The following XKR4 variants were observed in gnomAD, a reference collection of about 807,000 sequenced individuals.
The protein encoded by XKR4 is XK-related protein 4.
A neutral mutation model predicts 53.9 loss-of-function variants in XKR4; 12 were observed. The observed-to-expected ratio is 0.22, with a 90% CI of 0.14 to 0.36. The LOEUF (loss-of-function observed/expected upper bound fraction) is 0.36, where lower values mean the gene tolerates loss of function less well. XKR4 is among the 10% of genes least tolerant of loss of function. XKR4 has a pLI of 1.00. For synonymous variants in XKR4, 354 were observed against 362.4 expected (o/e 0.98, Z 0.26); for missense variants, 799 against 859.5 (o/e 0.93, Z 0.88).
intron 1 of XKR4, among the ~76,000 whole-genome samples, chr8:55,303,584 C>A (rs1198179625): frequency 6.6e-6 from 1 of 152,178 alleles, no homozygotes; most frequent in African/African-American, 2.4e-5. Flanking sequence ...ACCAGCTCCT[C>A]GTTGTACCTC....
At chr8:55,193,914 G>A (rs1055882292) in intron 1 of XKR4, among the ~76,000 whole-genome samples, 2 of 152,192 alleles carry the variant, frequency 1.3e-5, no homozygotes, top group Non-Finnish European at 2.9e-5. Context: ...CCTCATAGCC[G>A]ACCTTGCAGA....
intron 1 of XKR4, among the ~76,000 whole-genome samples, chr8:55,148,264 G>A (rs968812409): frequency 3.4e-4 from 51 of 152,078 alleles, no homozygotes; most frequent in African/African-American, 1.1e-3. Flanking sequence ...AATTAGCTGA[G>A]CGTGGTGGTG....
chr8:55,367,756 G>A (rs551089313), intron 2 of XKR4, among the ~76,000 whole-genome samples: 5 of 151,950 alleles, frequency 3.3e-5, no homozygotes, highest in Non-Finnish European at 4.4e-5. Context: ...CCTCACCCCC[G>A]ATCCAGTCCA....
At chr8:55,289,540 A>AGAAGGAAG (rs142907908) in intron 1 of XKR4, among the ~76,000 whole-genome samples, 1,033 of 102,574 alleles carry the variant, frequency 0.01, 44 homozygotes, top group African/African-American at 0.04. Context: ...AAAGAAAGAA[A>AGAAGGAAG]GAAGGAAGGA....
chr8:55,214,967 A>G (rs1817780812), intron 1 of XKR4, among the ~76,000 whole-genome samples: 1 of 152,182 alleles, frequency 6.6e-6, no homozygotes, highest in Non-Finnish European at 1.5e-5. Flanking sequence ...CTTTAGCAAC[A>G]TAGAATAGTA....
intron 1 of XKR4, among the ~76,000 whole-genome samples, chr8:55,182,858 A>G (rs1023028535): frequency 4.6e-5 from 7 of 152,014 alleles, no homozygotes; most frequent in African/African-American, 4.8e-5. Context: ...AATTGTGTAG[A>G]TCTGTAGATG....
chr8:55,531,410 A>C lies in XKR4; in HGVS notation c.*7183A>C. ...GGGATCGCTGTCATATGTGCAGTCT[A>C]TTATTGACCAAAATGCCATTGTGTG... On this transcript the variant is annotated 3_prime_UTR_variant, in exon 3 of 3. Coordinates refer to ENST00000327381, the MANE Select transcript of XKR4 (RefSeq NM_052898.2). The C allele has an allele frequency of 6.6e-6, 1 of 152,204 alleles. No homozygotes were observed. The highest frequency in any genetic ancestry group is 1.9e-4 in the East Asian group (1 of 5,206). 9.4% of individuals were successfully genotyped at this position (152,204 alleles called of 1,614,324 possible). A position where few individuals can be genotyped will look rare whatever the true frequency, so the allele number is the denominator to read the frequency against.
intron 1 of XKR4, among the ~76,000 whole-genome samples, chr8:55,258,284 G>T (rs1818469358): frequency 6.6e-6 from 1 of 152,230 alleles, no homozygotes; most frequent in Non-Finnish European, 1.5e-5. Context: ...ATCCTCACGT[G>T]TAGAGGAGGA....
intron 2 of XKR4, among the ~76,000 whole-genome samples, chr8:55,473,710 G>A (rs888109181): frequency 6.6e-6 from 1 of 152,126 alleles, no homozygotes; most frequent in Non-Finnish European, 1.5e-5. Flanking sequence ...ATAAACAAGT[G>A]TAGTGAAACA....
intron 1 of XKR4, chr8:55,135,529 AG>A: frequency 2.2e-6 from 1 of 446,296 alleles, no homozygotes; most frequent in Non-Finnish European, 4.6e-6. Flanking sequence ...CTTTTCCCTC[AG>A]TTGATGACAA....
At chr8:55,300,273 G>C (rs1819169863) in intron 1 of XKR4, among the ~76,000 whole-genome samples, 1 of 152,162 alleles carries the variant, frequency 6.6e-6, no homozygotes, top group Admixed American at 6.6e-5. Context: ...AAAGATGAGT[G>C]TTGGGACCTG....
Position 55,530,423 on chromosome 8 carries a change from T to C in XKR4, c.*6196T>C, listed in dbSNP as rs1350448480. 1 of 152,196 alleles carries C rather than the reference T, an allele frequency of 6.6e-6. No individual in the cohort carries two copies. The highest frequency in any genetic ancestry group is 2.4e-5 in the African/African-American group (1 of 41,464). The allele number at this position is 152,196 out of a possible 1,614,324, so 9.4% of individuals were successfully genotyped here. On this transcript the variant is annotated 3_prime_UTR_variant, in exon 3 of 3. Transcript: ENST00000327381. Reference sequence around the variant, plus strand: ...ATACTGCAAGTGTCAACCAAATATTTGTTGAATTGAATTATAAAATAATTG... The same window carrying C: ...ATACTGCAAGTGTCAACCAAATATTCGTTGAATTGAATTATAAAATAATTG...
At chr8:55,449,426 T>C in intron 2 of XKR4, 1 of 694,440 alleles carries the variant, frequency 1.4e-6, no homozygotes, top group Non-Finnish European at 2.6e-6. Flanking sequence ...GGGCCGGGGC[T>C]GTAAACATGG....
In XKR4 at chr8:55,103,229, C is replaced by T. The variant is rs747388980; in HGVS notation, c.741C>T (p.Ser247=). The change falls in exon 1 of 3, where the codon TCC becomes TCT. Residue 247 remains serine (S), a synonymous_variant. Transcript: ENST00000327381. Reference sequence around the variant, plus strand: ...CCAGTGGCAAGCACAGGTCTGCGTCCTGCTCCTTCTGCATCTGGCTCCTGC... The same window carrying T: ...CCAGTGGCAAGCACAGGTCTGCGTCTTGCTCCTTCTGCATCTGGCTCCTGC... ...TRASGKHRSA[S]CSFCIWLLQS... is the part of the protein sequence containing the mutation. 4 of 1,613,862 alleles carry T rather than the reference C, an allele frequency of 2.5e-6. No individual in the cohort carries two copies. In the Admixed American group the frequency reaches 6.7e-5, roughly 27 times the overall value.
intron 2 of XKR4, among the ~76,000 whole-genome samples, chr8:55,505,350 T>C (rs1386906673): frequency 6.6e-6 from 1 of 152,110 alleles, no homozygotes; most frequent in East Asian, 1.9e-4. Flanking sequence ...TGTTTAAGCC[T>C]GGGCAACATA....
chr8:55,491,625 GGTTTGTTTGTTT>G (rs112852043), intron 2 of XKR4, among the ~76,000 whole-genome samples: 12 of 149,880 alleles, frequency 8.0e-5, no homozygotes, highest in East Asian at 3.9e-4. Context: ...TGTCTTTGGG[GGTTTGTTTGTTT>G]GTTTGTTTGT....
chr8:55,507,236 TA>T (rs1170457134), intron 2 of XKR4, among the ~76,000 whole-genome samples: 1 of 152,218 alleles, frequency 6.6e-6, no homozygotes, highest in African/African-American at 2.4e-5. Context: ...CCAGAGTTTT[TA>T]TTGAGAACTT....
chr8:55,326,582 C>T (rs1159637466), intron 1 of XKR4, among the ~76,000 whole-genome samples: 1 of 151,078 alleles, frequency 6.6e-6, no homozygotes, highest in African/African-American at 2.4e-5. Context: ...GTGATCCTCC[C>T]ACCTCAGCCT....
At chr8:55,457,187 G>C (rs1461913589) in intron 2 of XKR4, among the ~76,000 whole-genome samples, 2 of 134,572 alleles carry the variant, frequency 1.5e-5, no homozygotes, top group Admixed American at 9.0e-5. Context: ...CTGTCACCCA[G>C]ACTGGAGTGC....
Sources: allele counts gnomAD v4.1 joint callset (sites outside exome capture counted in the v4.1 genomes callset), GRCh38; gene constraint gnomAD v4.1.1; transcripts MANE v1.5; gene names NCBI Gene and HGNC (gene_info 2026-07-23, HGNC 2026-07-21).